Variants in PRKN observed in about 807,000 individuals in gnomAD.
PRKN encodes parkin RBR E3 ubiquitin protein ligase, also known as E3 ubiquitin-protein ligase parkin.
In PRKN, 56 loss-of-function variants were observed where a neutral mutation model predicts 59.5. The observed-to-expected ratio is 0.94, with a 90% CI of 0.76 to 1.18. The LOEUF is 1.18. Ranked by LOEUF, PRKN falls within the 50% of genes most tolerant of loss-of-function variation. The pLI is 0.00. For missense variants in PRKN, 657 were observed against 596.4 expected, an observed-to-expected ratio of 1.10 and a Z score of -1.06; for synonymous variants, 250 against 222.1, an observed-to-expected ratio of 1.13 and a Z score of -1.12.
At chr6:161,655,919 G>A (rs1784334058) in intron 7 of PRKN, among the ~76,000 whole-genome samples, 1 of 138,152 alleles carries the variant, frequency 7.2e-6, no homozygotes. Context: ...CACACACACG[G>A]TCATATGCAT....
chr6:161,811,519 C>T (rs536787340), intron 6 of PRKN, among the ~76,000 whole-genome samples: 3 of 152,244 alleles, frequency 2.0e-5, no homozygotes, highest in African/African-American at 4.8e-5. Context: ...AGAGGAGAAA[C>T]ATATGCACGA....
At chr6:162,560,853 C>CA (rs60391138) in intron 1 of PRKN, among the ~76,000 whole-genome samples, 3 of 56,506 alleles carry the variant, frequency 5.3e-5, no homozygotes, top group East Asian at 3.7e-4. Context: ...GAGAGAGAGG[C>CA]AAAAAAAAAA....
chr6:162,012,435 C>T lies in PRKN; in HGVS notation c.619-39018G>A, dbSNP rs542967656. ...TACATATTTAACTATATATAATGTACATTATTATATATCTTTATGTATGTA... is the reference window on the plus strand; with the variant it reads ...TACATATTTAACTATATATAATGTATATTATTATATATCTTTATGTATGTA... On this transcript the variant is annotated intron_variant, in intron 5 of 11. Coordinates refer to ENST00000366898, the MANE Select transcript of PRKN (RefSeq NM_004562.3). Among the ~76,000 whole-genome samples, 11 of 151,786 alleles carry T rather than the reference C, an allele frequency of 7.2e-5. No individual in the cohort carries two copies. The South Asian group carries it at 1.9e-3, about 26-fold the overall frequency.
At chr6:162,157,155 G>A (rs559864823) in intron 4 of PRKN, among the ~76,000 whole-genome samples, 13 of 150,572 alleles carry the variant, frequency 8.6e-5, no homozygotes, top group East Asian at 2.0e-4. Flanking sequence ...TCCTAATCTC[G>A]GATTACCTTC....
At chr6:161,906,321 C>G (rs1385090902) in intron 6 of PRKN, among the ~76,000 whole-genome samples, 1 of 152,134 alleles carries the variant, frequency 6.6e-6, no homozygotes, top group Non-Finnish European at 1.5e-5. Flanking sequence ...TTGATAAGAA[C>G]TGGAATAGGT....
intron 2 of PRKN, among the ~76,000 whole-genome samples, chr6:162,411,093 T>C (rs1788333718): frequency 6.6e-6 from 1 of 152,144 alleles, no homozygotes; most frequent in Non-Finnish European, 1.5e-5. Context: ...TTATTTTAAA[T>C]TACAATAATC....
chr6:162,009,602 T>G (rs1325477619), intron 5 of PRKN, among the ~76,000 whole-genome samples: 1 of 151,724 alleles, frequency 6.6e-6, no homozygotes, highest in Non-Finnish European at 1.5e-5. Flanking sequence ...AATATAAAAA[T>G]TGCCCTTCAC....
At chr6:161,765,270 C>T (rs918809952) in intron 7 of PRKN, among the ~76,000 whole-genome samples, 3 of 152,106 alleles carry the variant, frequency 2.0e-5, no homozygotes, top group South Asian at 4.1e-4. Flanking sequence ...AAGTGGTCTT[C>T]CTTGTCTCTG....
At chr6:162,410,031 A>G (rs1021452608) in intron 2 of PRKN, among the ~76,000 whole-genome samples, 4 of 152,198 alleles carry the variant, frequency 2.6e-5, no homozygotes, top group African/African-American at 9.7e-5. Flanking sequence ...CTAACAAAAT[A>G]ACATTATCAA....
At position 161,902,524 on chromosome 6, in the gene PRKN, G is replaced by GTCTATCTATCTATCTA. The variant is rs557665439; in HGVS notation, c.734+70762_734+70777dup. ...GTGTGTGTAAATGTAATAGACATCC[G>GTCTATCTATCTATCTA]TCTATCTATCTATCTATCTATCTAT... On this transcript the variant is annotated intron_variant, in intron 6 of 11. Transcript: ENST00000366898. Among the ~76,000 whole-genome samples the GTCTATCTATCTATCTA allele has an allele frequency of 5.5e-3, 731 of 133,028 alleles. 26 individuals are homozygous for GTCTATCTATCTATCTA. The highest frequency in any genetic ancestry group is 0.019 in the African/African-American group (644 of 33,948). The allele number at this position is 133,028 out of a possible 152,430, so 87.3% of individuals were successfully genotyped here.
chr6:161,559,268 C>T (rs1780364090), intron 8 of PRKN, among the ~76,000 whole-genome samples: 1 of 152,148 alleles, frequency 6.6e-6, no homozygotes, highest in South Asian at 2.1e-4. Context: ...GAGCAGCACC[C>T]ACTTCCAGTG....
intron 1 of PRKN, among the ~76,000 whole-genome samples, chr6:162,597,835 T>A (rs1261058509): frequency 6.6e-6 from 1 of 152,178 alleles, no homozygotes; most frequent in Non-Finnish European, 1.5e-5. Context: ...CTGTCATTAT[T>A]CCTGTGATTA....
chr6:162,007,723 A>C (rs1223871528), intron 5 of PRKN, among the ~76,000 whole-genome samples: 1 of 152,160 alleles, frequency 6.6e-6, no homozygotes, highest in Admixed American at 6.6e-5. Flanking sequence ...AAAAATAAGG[A>C]AAACGGCTTA....
At chr6:162,349,750 C>T (rs188512656) in intron 2 of PRKN, among the ~76,000 whole-genome samples, 26 of 152,180 alleles carry the variant, frequency 1.7e-4, no homozygotes, top group Non-Finnish European at 2.9e-4. Context: ...TTATAGTTGA[C>T]GGTAAAAGAC....
intron 7 of PRKN, among the ~76,000 whole-genome samples, chr6:161,757,606 G>A (rs1788981281): frequency 6.6e-6 from 1 of 152,024 alleles, no homozygotes; most frequent in Non-Finnish European, 1.5e-5. Flanking sequence ...GGGAGGCTGA[G>A]GTGGGTGGAT....
chr6:162,719,261 C>T (rs755639873), intron 1 of PRKN, among the ~76,000 whole-genome samples: 8 of 152,160 alleles, frequency 5.3e-5, no homozygotes, highest in Non-Finnish European at 1.2e-4. Flanking sequence ...TCAACTGGAT[C>T]ATGCAGTCTA....
intron 7 of PRKN, among the ~76,000 whole-genome samples, chr6:161,674,622 G>A (rs1037876594): frequency 2.6e-5 from 4 of 152,190 alleles, no homozygotes; most frequent in Admixed American, 2.0e-4. Flanking sequence ...TATTACATGC[G>A]TAATTGTGGG....
intron 3 of PRKN, among the ~76,000 whole-genome samples, chr6:162,247,040 T>C (rs1779227778): frequency 6.6e-6 from 1 of 151,218 alleles, no homozygotes; most frequent in South Asian, 2.1e-4. Flanking sequence ...GCTATATTTT[T>C]GAGTCACATT....
In PRKN at chr6:161,359,717, G is replaced by T. The variant is rs184898457; in HGVS notation, c.1285+371C>A. Among the ~76,000 whole-genome samples, 184 of 152,280 alleles carry T rather than the reference G, an allele frequency of 1.2e-3. No homozygotes were observed. Among genetic ancestry groups the T allele is most frequent in the Middle Eastern group, 3.4e-3 (1 of 294 alleles). ...ACAGACTGACGGCCGGCAGACAACA[G>T]GGTCATACGGTGCAGCCATCAGCGC... On this transcript the variant is annotated intron_variant, in intron 11 of 11. Transcript: ENST00000366898. The surrounding 1 kb of genome is among the most constrained non-coding windows in gnomAD (Gnocchi z 5.4).
Sources: gnomAD v4.1 joint callset for allele counts (sites outside exome capture counted in the v4.1 genomes callset) on GRCh38, gnomAD v4.1.1 for gene constraint, Gnocchi (gnomAD v3.1) non-coding constraint, MANE v1.5 for transcripts, NCBI Gene and HGNC (gene_info 2026-07-23, HGNC 2026-07-21) for gene names.